The following ZNF804A variants were observed in gnomAD, a reference collection of about 807,000 sequenced individuals.
The protein encoded by ZNF804A is zinc finger protein 804A.
Under a neutral mutation model 16.5 loss-of-function variants are expected in ZNF804A, and 2 were observed. That is an observed-to-expected ratio of 0.12 (90% CI 0.05 to 0.38). The LOEUF is 0.38. Ranked by LOEUF, ZNF804A falls within the 10% of genes least tolerant of loss-of-function variation. ZNF804A has a pLI of 0.99. For synonymous variants in ZNF804A, 534 were observed against 489.6 expected (o/e 1.09, Z -1.20); for missense variants, 1,473 against 1,390.7 (o/e 1.06, Z -0.94).
intron 1 of ZNF804A, among the ~76,000 whole-genome samples, chr2:184,813,229 A>T (rs1694928562): frequency 6.6e-6 from 1 of 152,120 alleles, no homozygotes; most frequent in Non-Finnish European, 1.5e-5. Context: ...AGTAGGCACT[A>T]TGATAATTAA....
intron 1 of ZNF804A, among the ~76,000 whole-genome samples, chr2:184,613,629 C>A (rs1244676579): frequency 1.3e-5 from 2 of 151,932 alleles, no homozygotes; most frequent in African/African-American, 4.8e-5. Context: ...TTAATTAATT[C>A]TTCTAAGGCA....
chr2:184,732,591 T>C (rs534509078), intron 1 of ZNF804A, among the ~76,000 whole-genome samples: 3 of 152,176 alleles, frequency 2.0e-5, no homozygotes, highest in Non-Finnish European at 4.4e-5. Flanking sequence ...TTACTGGAAT[T>C]TCATTTAATC....
chr2:184,730,399 A>G (rs1052369799), intron 1 of ZNF804A, among the ~76,000 whole-genome samples: 2 of 152,158 alleles, frequency 1.3e-5, no homozygotes, highest in South Asian at 2.1e-4. Context: ...CCTGGAATCA[A>G]TAGTTTGTGT....
At position 184,937,538 on chromosome 2, in the gene ZNF804A, T is replaced by A; in HGVS notation, c.2142T>A (p.His714Gln). 1 of 1,612,434 alleles carries A rather than the reference T, an allele frequency of 6.2e-7. No individual in the cohort carries two copies. The highest frequency in any genetic ancestry group is 8.5e-7 in the Non-Finnish European group (1 of 1,179,494). ...CAACAATGATACATTCTGGGAAACA[T>A]AATTTAACATATTCTAGAACTTACT... The part of the protein sequence containing the change: ...SNATMIHSGK[H>Q]NLTYSRTYCC... Residue 714 changes from histidine to glutamine, a missense_variant, in exon 4 of 4, where the codon CAT becomes CAA. Coordinates refer to ENST00000302277, the MANE Select transcript of ZNF804A (RefSeq NM_194250.2).
intron 1 of ZNF804A, among the ~76,000 whole-genome samples, chr2:184,673,161 G>A (rs999128654): frequency 6.6e-6 from 1 of 152,188 alleles, no homozygotes; most frequent in Non-Finnish European, 1.5e-5. Flanking sequence ...AACAAAAAGG[G>A]AGGGATGAAG....
chr2:184,836,306 G>A (rs922414879), intron 1 of ZNF804A, among the ~76,000 whole-genome samples: 4 of 152,062 alleles, frequency 2.6e-5, no homozygotes, highest in Non-Finnish European at 5.9e-5. Flanking sequence ...TTCCTAAAAA[G>A]GAGCATCCAC....
intron 2 of ZNF804A, among the ~76,000 whole-genome samples, chr2:184,896,373 TA>T (rs1156299232): frequency 6.7e-6 from 1 of 149,550 alleles, no homozygotes; most frequent in Non-Finnish European, 1.5e-5. Context: ...TATACTCAGA[TA>T]GGGGTACAGT....
Position 184,899,111 on chromosome 2 carries a change from A to G in ZNF804A, c.255+32599A>G, listed in dbSNP as rs537879551. Among the ~76,000 whole-genome samples the G allele has an allele frequency of 2.0e-5, 3 of 152,124 alleles. No individual in the cohort carries two copies. The South Asian group carries it at 6.2e-4, about 31-fold the overall frequency. ...ACCATGTTCAAGGATTTGACTTAAT[A>G]TAAGATACATGGTTCGTATTAATCA... On this transcript the variant is annotated intron_variant, in intron 2 of 3. Transcript: ENST00000302277.
intron 1 of ZNF804A, among the ~76,000 whole-genome samples, chr2:184,674,379 T>C (rs1692387271): frequency 6.6e-6 from 1 of 151,910 alleles, no homozygotes; most frequent in South Asian, 2.1e-4. Flanking sequence ...AGAAGATGTA[T>C]TACTATGACA....
chr2:184,856,283 A>G (rs140262052), intron 1 of ZNF804A, among the ~76,000 whole-genome samples: 47 of 152,178 alleles, frequency 3.1e-4, no homozygotes, highest in Admixed American at 5.2e-4. Flanking sequence ...CCATCTTTCC[A>G]AATTTCTTCT....
chr2:184,685,493 C>A (rs1014569910), intron 1 of ZNF804A, among the ~76,000 whole-genome samples: 1 of 151,982 alleles, frequency 6.6e-6, no homozygotes, highest in Non-Finnish European at 1.5e-5. Context: ...TCTTGGCCCA[C>A]GTCTAGGAAA....
At chr2:184,718,881 C>G (rs1357898149) in intron 1 of ZNF804A, among the ~76,000 whole-genome samples, 1 of 151,416 alleles carries the variant, frequency 6.6e-6, no homozygotes, top group Non-Finnish European at 1.5e-5. Flanking sequence ...GGACAGTGGC[C>G]CTCTTTTCAC....
At chr2:184,900,115 G>A (rs952724884) in intron 2 of ZNF804A, among the ~76,000 whole-genome samples, 3 of 152,024 alleles carry the variant, frequency 2.0e-5, no homozygotes, top group African/African-American at 4.8e-5. Flanking sequence ...GTGGGTGAAT[G>A]TCCAGCCCAG....
At chr2:184,622,785 C>T (rs1032795243) in intron 1 of ZNF804A, among the ~76,000 whole-genome samples, 1 of 151,680 alleles carries the variant, frequency 6.6e-6, no homozygotes, top group African/African-American at 2.4e-5. Context: ...GTAAATTAGC[C>T]TGAAAACAAA....
chr2:184,735,012 T>A (rs978304927), intron 1 of ZNF804A, among the ~76,000 whole-genome samples: 4 of 152,210 alleles, frequency 2.6e-5, no homozygotes, highest in African/African-American at 9.6e-5. Flanking sequence ...ATTTGCATCA[T>A]ATGTCTTTCT....
chr2:184,667,324 T>A (rs1390127612), intron 1 of ZNF804A, among the ~76,000 whole-genome samples: 2 of 151,916 alleles, frequency 1.3e-5, no homozygotes, highest in Non-Finnish European at 2.9e-5. Context: ...CTTTATTTCA[T>A]CTCATAAACA....
chr2:184,644,814 A>G (rs755089313), intron 1 of ZNF804A, among the ~76,000 whole-genome samples: 8 of 152,050 alleles, frequency 5.3e-5, no homozygotes, highest in Non-Finnish European at 7.4e-5. Context: ...TTAAGGAAAC[A>G]TTTTAGATAA....
At chr2:184,628,093 T>G (rs890894216) in intron 1 of ZNF804A, among the ~76,000 whole-genome samples, 1 of 152,132 alleles carries the variant, frequency 6.6e-6, no homozygotes, top group African/African-American at 2.4e-5. Context: ...GGCGGGCGGA[T>G]CACCTCAGGT....
At chr2:184,761,928 T>C (rs1694041608) in intron 1 of ZNF804A, among the ~76,000 whole-genome samples, 1 of 152,096 alleles carries the variant, frequency 6.6e-6, no homozygotes, top group South Asian at 2.1e-4. Flanking sequence ...AAACTAAACT[T>C]TTGATACCAT....
Sources: allele counts gnomAD v4.1 joint callset (sites outside exome capture counted in the v4.1 genomes callset), GRCh38; gene constraint gnomAD v4.1.1; transcripts MANE v1.5; gene names NCBI Gene and HGNC (gene_info 2026-07-23, HGNC 2026-07-21).